PPP1R13B: variants seen among roughly 807,000 people sequenced by gnomAD.
The protein encoded by PPP1R13B is apoptosis-stimulating of p53 protein 1.
In PPP1R13B, 44 loss-of-function variants were observed where a neutral mutation model predicts 119.8. That is an observed-to-expected ratio of 0.37 (90% CI 0.29 to 0.47). PPP1R13B has a LOEUF of 0.47. Ranked by LOEUF, PPP1R13B falls within the 20% of genes least tolerant of loss-of-function variation. The probability of loss-of-function intolerance (pLI) is 0.99; values close to 1 mark genes in which losing one functional copy is unlikely to be tolerated. For synonymous variants in PPP1R13B, 542 were observed against 561.5 expected, an observed-to-expected ratio of 0.97 and a Z score of 0.49; for missense variants, 1,227 against 1,413.5, an observed-to-expected ratio of 0.87 and a Z score of 2.12.
intron 1 of PPP1R13B, among the ~76,000 whole-genome samples, chr14:103,829,985 G>T (rs1163375453): frequency 6.6e-6 from 1 of 151,992 alleles, no homozygotes; most frequent in Non-Finnish European, 1.5e-5. Context: ...CACCGTGTTG[G>T]CCAGGATGGT....
chr14:103,820,088 A>AG (rs1319074131), intron 1 of PPP1R13B, among the ~76,000 whole-genome samples: 4 of 152,122 alleles, frequency 2.6e-5, no homozygotes, highest in Non-Finnish European at 5.9e-5. Flanking sequence ...AACAAAAACA[A>AG]GGGGGAGGGG....
At chr14:103,848,355 C>T (rs2087123553), upstream of PPP1R13B, 2 of 985,356 alleles carry the variant, frequency 2.0e-6, no homozygotes, top group Non-Finnish European at 2.4e-6. Context: ...TCTCTCCCTG[C>T]AGTCCCGTCT....
intron 1 of PPP1R13B, chr14:103,846,702 GACACC>G: frequency 2.2e-6 from 1 of 455,884 alleles, no homozygotes; most frequent in Non-Finnish European, 4.4e-6. Context: ...GCAGGACAAA[GACACC>G]ACCACTACAA....
At position 103,735,070 on chromosome 14, in the gene PPP1R13B, T is replaced by G; in HGVS notation, c.*84A>C. On this transcript the variant is annotated 3_prime_UTR_variant, in exon 17 of 17. Coordinates refer to ENST00000202556, the MANE Select transcript of PPP1R13B (RefSeq NM_015316.3). ...AGCACCATTAAGACCATTTTCTAGCTGCAGCTTTCCTGGAAAACAGCACAA... is the reference window on the plus strand; with the variant it reads ...AGCACCATTAAGACCATTTTCTAGCGGCAGCTTTCCTGGAAAACAGCACAA... 1 of 1,496,762 alleles carries G rather than the reference T, an allele frequency of 6.7e-7. No homozygotes were observed. The highest frequency in any genetic ancestry group is 9.3e-7 in the Non-Finnish European group (1 of 1,073,980). 92.7% of individuals were successfully genotyped at this position (1,496,762 alleles called of 1,614,324 possible).
chr14:103,792,278 A>T (rs2085642701), intron 2 of PPP1R13B, among the ~76,000 whole-genome samples: 1 of 151,574 alleles, frequency 6.6e-6, no homozygotes, highest in South Asian at 2.1e-4. Flanking sequence ...GGTGTGATCA[A>T]GCGATCGTCC....
Position 103,757,755 on chromosome 14 carries a change from A to C in PPP1R13B, c.355-4T>G. On this transcript the variant is annotated splice_polypyrimidine_tract_variant and splice_region_variant and intron_variant, in intron 4 of 16. Transcript: ENST00000202556. ...GTTCAACACGTGGATTCCCAACCTA[A>C]ACAAAAAGCACTTATTTTGGAACAT... 1 of 1,610,666 alleles carries C rather than the reference A, an allele frequency of 6.2e-7. No individual in the cohort carries two copies. Among genetic ancestry groups the C allele is most frequent in the Non-Finnish European group, 8.5e-7 (1 of 1,177,502 alleles).
intron 4 of PPP1R13B, among the ~76,000 whole-genome samples, chr14:103,770,271 T>C (rs2085036021): frequency 6.6e-6 from 1 of 152,136 alleles, no homozygotes; most frequent in South Asian, 2.1e-4. Context: ...ACCAGAACTT[T>C]GAGAGACTGA....
chr14:103,789,241 T>A (rs576568056), intron 2 of PPP1R13B, among the ~76,000 whole-genome samples: 47 of 152,086 alleles, frequency 3.1e-4, no homozygotes, highest in Non-Finnish European at 5.1e-4. Context: ...TTGGGGGGGA[T>A]GGAGTCTCAC....
Position 103,770,124 on chromosome 14 carries a change from C to T in PPP1R13B, c.354+8621G>A, listed in dbSNP as rs559798026. On this transcript the variant is annotated intron_variant, in intron 4 of 16. Transcript: ENST00000202556. ...TCCAGACTGGTCTCAAACTCCTGATCTCAAGTGATCCACCTACCTCGGCCT... is the reference window on the plus strand; with the variant it reads ...TCCAGACTGGTCTCAAACTCCTGATTTCAAGTGATCCACCTACCTCGGCCT... Among the ~76,000 whole-genome samples, 10 of 151,032 alleles carry T rather than the reference C, an allele frequency of 6.6e-5. No homozygotes were observed. The East Asian group carries it at 2.0e-3, about 30-fold the overall frequency.
chr14:103,838,923 TA>T (rs2086838935), intron 1 of PPP1R13B, among the ~76,000 whole-genome samples: 1 of 152,214 alleles, frequency 6.6e-6, no homozygotes, highest in Non-Finnish European at 1.5e-5. Context: ...CCTGCTACAG[TA>T]AAGTCACCTA....
rs553642559 is a variant in PPP1R13B at position 103,748,203 on chromosome 14, G to A, written c.969+1591C>T. On this transcript the variant is annotated intron_variant, in intron 8 of 16. Transcript: ENST00000202556. The stretch of plus-strand genomic sequence containing the variant: ...GAGCATATGTAAGCACAGGGAAAGT[G>A]CTTGCAGCCTCTCTCTCACATGGCC... Among the ~76,000 whole-genome samples, 18 of 152,338 alleles carry A rather than the reference G, an allele frequency of 1.2e-4. No homozygotes were observed. In the East Asian group the frequency reaches 3.3e-3, roughly 28 times the overall value.
chr14:103,749,298 G>A (rs1016591062), intron 8 of PPP1R13B, among the ~76,000 whole-genome samples: 2 of 152,046 alleles, frequency 1.3e-5, no homozygotes, highest in Admixed American at 1.3e-4. Flanking sequence ...TTTTTTAGAA[G>A]CATAACCCCT....
In PPP1R13B at chr14:103,738,995, T is replaced by C. The variant is rs1298079510; in HGVS notation, c.2621A>G (p.Asn874Ser). Residue 874 changes from asparagine to serine, a missense_variant, in exon 13 of 17, where the codon AAC becomes AGC. By Grantham distance (46) the Asn-to-Ser change is conservative. Coordinates refer to ENST00000202556, the MANE Select transcript of PPP1R13B (RefSeq NM_015316.3). This position sits in a 1 kb window ranked among gnomAD's most constrained non-coding sequence, Gnocchi z 5.6. ...CAGCCCGTGCCCCGTCCGCTCCGAGTTGGGCTTCTTCAAGTTGGTCCGCTT... is the reference window on the plus strand; with the variant it reads ...CAGCCCGTGCCCCGTCCGCTCCGAGCTGGGCTTCTTCAAGTTGGTCCGCTT... Reference protein sequence around the residue: ...TNKRTNLKKPNSERTGHGLRV... With the variant: ...TNKRTNLKKPSSERTGHGLRV... The C allele has an allele frequency of 6.2e-7, 1 of 1,613,886 alleles. No individual in the cohort carries two copies.
chr14:103,753,223 T>TAA, intron 6 of PPP1R13B, 27 bp from the exon 7 acceptor site: 1 of 1,555,336 alleles, frequency 6.4e-7, no homozygotes, highest in East Asian at 2.3e-5. Context: ...AAGAAAAGAA[T>TAA]AAAAGATTTA....
At position 103,799,622 on chromosome 14, in the gene PPP1R13B, T is replaced by TG. The variant is rs1239850299; in HGVS notation, c.10-2105_10-2104insC. 4.0e-5 allele frequency among the ~76,000 whole-genome samples: 6 copies of TG among 151,686 alleles called. No homozygotes were observed. The East Asian group carries it at 9.7e-4, about 25-fold the overall frequency. On this transcript the variant is annotated intron_variant, in intron 1 of 16. Transcript: ENST00000202556. ...GCCACTGTGCCGGGTTTTTTGTTTTTTTTTTTTTTAATTTCAAAAAAATAC... is the reference window on the plus strand; with the variant it reads ...GCCACTGTGCCGGGTTTTTTGTTTTTGTTTTTTTTTAATTTCAAAAAAATAC...
chr14:103,820,376 T>A (rs2086378965), intron 1 of PPP1R13B, among the ~76,000 whole-genome samples: 2 of 152,172 alleles, frequency 1.3e-5, no homozygotes, highest in South Asian at 4.1e-4. Context: ...TGCAAAATCA[T>A]TTTCTCTCTC....
chr14:103,846,866 C>T, intron 1 of PPP1R13B: 1 of 554,904 alleles, frequency 1.8e-6, no homozygotes, highest in Non-Finnish European at 3.1e-6. Flanking sequence ...GCGAAGGCTA[C>T]GGGAATGCGC....
chr14:103,757,061 CTT>C (rs772002409), intron 5 of PPP1R13B, among the ~76,000 whole-genome samples: 63 of 142,200 alleles, frequency 4.4e-4, no homozygotes, highest in Admixed American at 6.4e-4. Flanking sequence ...TGCACCCAGC[CTT>C]TTTTTTTTTT....
intron 7 of PPP1R13B, among the ~76,000 whole-genome samples, chr14:103,752,367 T>C (rs2084569738): frequency 6.6e-6 from 1 of 152,024 alleles, no homozygotes. Flanking sequence ...CTGGAGGGTA[T>C]GGAGGTTGTG....
Sources: allele counts gnomAD v4.1 joint callset (sites outside exome capture counted in the v4.1 genomes callset), GRCh38; gene constraint gnomAD v4.1.1; non-coding constraint Gnocchi (gnomAD v3.1); transcripts MANE v1.5; gene names NCBI Gene and HGNC (gene_info 2026-07-23, HGNC 2026-07-21).